GPC3: variants seen among roughly 807,000 people sequenced by gnomAD.
GPC3 encodes glypican-3.
A neutral mutation model predicts 34.4 loss-of-function variants in GPC3; 3 were observed. The ratio of observed to expected loss-of-function variants is 0.09; its 90% CI spans 0.04 to 0.23. The LOEUF is 0.23. Ranked by LOEUF, GPC3 falls within the 10% of genes least tolerant of loss-of-function variation. The pLI, the probability that GPC3 is intolerant of heterozygous loss-of-function variation, is 1.00. For synonymous variants in GPC3, 177 were observed against 174.0 expected (o/e 1.02, Z -0.13); for missense variants, 351 against 445.6 (o/e 0.79, Z 1.91).
intron 3 of GPC3, among the ~76,000 whole-genome samples, chrX:133,720,898 G>A (rs1157247840): frequency 9.1e-6 from 1 of 109,400 alleles, no homozygotes; most frequent in Non-Finnish European, 1.9e-5. Flanking sequence ...GGAAGGGTGA[G>A]GGGGGTAAGG....
At position 133,641,424 on chromosome X, in the gene GPC3, C is replaced by T. The variant is rs142641716; in HGVS notation, c.1413+20306G>A. Among the ~76,000 whole-genome samples, 1,005 of 108,680 alleles carry T rather than the reference C, an allele frequency of 9.2e-3. 15 individuals are homozygous for T. Among genetic ancestry groups the T allele is most frequent in the African/African-American group, 0.03 (883 of 29,773 alleles). 94.4% of individuals were successfully genotyped at this position (108,680 alleles called of 115,157 possible). A position where few individuals can be genotyped will look rare whatever the true frequency, so the allele number is the denominator to read the frequency against. Reference sequence around the variant, plus strand: ...CCGGGAGGCAGAGTTTGCAGTGAGCCGAGATGGTGCCACTGCACTCCAGCC... The same window carrying T: ...CCGGGAGGCAGAGTTTGCAGTGAGCTGAGATGGTGCCACTGCACTCCAGCC... On this transcript the variant is annotated intron_variant, in intron 6 of 7. Transcript: ENST00000370818.
rs937919493 is a variant in GPC3 at position 133,825,071 on chromosome X, G to A, written c.338-70895C>T. The stretch of plus-strand genomic sequence containing the variant: ...GGGGTTTCACCGTGTTAGCCAGGCT[G>A]CTCTCGATCTCCTGACCTCATGATC... On this transcript the variant is annotated intron_variant, in intron 2 of 7. Transcript: ENST00000370818. Among the ~76,000 whole-genome samples, 3 of 111,394 alleles carry A rather than the reference G, an allele frequency of 2.7e-5. No individual in the cohort carries two copies. The South Asian group carries it at 1.1e-3, about 42-fold the overall frequency.
chrX:133,678,028 G>A (rs1014460394), intron 5 of GPC3, among the ~76,000 whole-genome samples: 11 of 111,182 alleles, frequency 9.9e-5, no homozygotes, highest in African/African-American at 3.6e-4. Context: ...CATTTGACAG[G>A]CAGGACAGTA....
At chrX:133,929,543 A>C (rs898845993) in intron 2 of GPC3, among the ~76,000 whole-genome samples, 10 of 110,944 alleles carry the variant, frequency 9.0e-5, no homozygotes, top group Non-Finnish European at 1.7e-4. Context: ...AGACATTTTT[A>C]CTCTTTCTTT....
chrX:133,546,460 C>T, intron 7 of GPC3, among the ~76,000 whole-genome samples: 1 of 108,775 alleles, frequency 9.2e-6, no homozygotes, highest in Non-Finnish European at 1.9e-5. Flanking sequence ...CACAAAATGC[C>T]ATATAGTATA....
intron 2 of GPC3, among the ~76,000 whole-genome samples, chrX:133,910,003 T>C (rs959669889): frequency 8.9e-6 from 1 of 111,844 alleles, no homozygotes; most frequent in African/African-American, 3.2e-5. Flanking sequence ...AAATGATTAA[T>C]GGCCTTTCAA....
At chrX:133,798,261 G>A (rs1183503374) in intron 2 of GPC3, among the ~76,000 whole-genome samples, 1 of 111,887 alleles carries the variant, frequency 8.9e-6, no homozygotes, top group Admixed American at 9.5e-5. Context: ...ATGAGAGACA[G>A]GTCCATGTCA....
At chrX:133,548,669 A>G (rs990295965) in intron 7 of GPC3, among the ~76,000 whole-genome samples, 2 of 111,709 alleles carry the variant, frequency 1.8e-5, no homozygotes, top group Admixed American at 1.9e-4. Flanking sequence ...CCTCATTGAT[A>G]TAGTTTGGCT....
chrX:133,896,400 C>T lies in GPC3; in HGVS notation c.337+56650G>A, dbSNP rs142008483. Among the ~76,000 whole-genome samples, 687 of 110,011 alleles carry T rather than the reference C, an allele frequency of 6.2e-3. 7 individuals carry two copies. The highest frequency in any genetic ancestry group is 0.02 in the African/African-American group (622 of 30,368). ...AAAGAAAGAAAAAGAAAGGAAACAT[C>T]CATTGTAGGTGGCAGACCCAACTAA... On this transcript the variant is annotated intron_variant, in intron 2 of 7. Transcript: ENST00000370818.
At chrX:133,741,706 T>C (rs996975552) in intron 3 of GPC3, among the ~76,000 whole-genome samples, 2 of 112,942 alleles carry the variant, frequency 1.8e-5, no homozygotes, top group African/African-American at 6.4e-5. Flanking sequence ...CTCATTAGTA[T>C]TGTAAACTTT....
chrX:133,681,223 G>C (rs1338444847), intron 5 of GPC3, among the ~76,000 whole-genome samples: 3 of 111,777 alleles, frequency 2.7e-5, no homozygotes, highest in Non-Finnish European at 5.6e-5. Context: ...TCTGTTAAGG[G>C]AGAAACTATT....
At chrX:133,765,132 T>C (rs766693000) in intron 2 of GPC3, among the ~76,000 whole-genome samples, 1 of 112,020 alleles carries the variant, frequency 8.9e-6, no homozygotes, top group South Asian at 3.7e-4. Flanking sequence ...TTAAAAACTT[T>C]TCTTTTTTAA....
intron 3 of GPC3, among the ~76,000 whole-genome samples, chrX:133,750,028 C>T (rs2124477206): frequency 9.0e-6 from 1 of 111,531 alleles, no homozygotes; most frequent in Non-Finnish European, 1.9e-5. Flanking sequence ...ATGAACAAGG[C>T]AGAGTTTACA....
At chrX:133,628,872 T>TA (rs1160783162) in intron 6 of GPC3, among the ~76,000 whole-genome samples, 2 of 111,393 alleles carry the variant, frequency 1.8e-5, no homozygotes, top group African/African-American at 6.5e-5. Context: ...TGAAGCCATA[T>TA]AATTCACAGT....
At chrX:133,761,320 G>C (rs1256098941) in intron 2 of GPC3, among the ~76,000 whole-genome samples, 1 of 112,391 alleles carries the variant, frequency 8.9e-6, no homozygotes, top group Non-Finnish European at 1.9e-5. Flanking sequence ...CACTAAAAGT[G>C]TTGCTCCAAT....
At chrX:133,905,584 G>T (rs2076164362) in intron 2 of GPC3, among the ~76,000 whole-genome samples, 1 of 112,126 alleles carries the variant, frequency 8.9e-6, no homozygotes, top group African/African-American at 3.2e-5. Context: ...TGAATCTGCA[G>T]AACACTAGTC....
intron 1 of GPC3, among the ~76,000 whole-genome samples, chrX:133,975,538 G>C (rs752743849): frequency 9.0e-6 from 1 of 111,017 alleles, no homozygotes; most frequent in Non-Finnish European, 1.9e-5. Flanking sequence ...AAGACAACTA[G>C]GCAAATTCCT....
chrX:133,953,138 T>G lies in GPC3; in HGVS notation c.249A>C (p.Leu83=), dbSNP rs755510528. Residue 83 remains leucine (L), a synonymous_variant, in exon 2 of 8, where the codon CTA becomes CTC. Coordinates refer to ENST00000370818, the MANE Select transcript of GPC3 (RefSeq NM_004484.4). ...CSRKMEEKYQ[L]TARLNMEQLL... ...GCTGTTCCATGTTCAATCGTGCTGT[T>G]AGTTGGTATTTTTCTTCCATCTTTC... is the stretch of plus-strand genomic sequence containing the variant. 8.3e-7 allele frequency: 1 copy of G among 1,204,044 alleles called. No individual in the cohort carries two copies. Among genetic ancestry groups the G allele is most frequent in the African/African-American group, 1.8e-5 (1 of 56,863 alleles).
chrX:133,704,067 C>G (rs963348544), intron 3 of GPC3: 1 of 311,014 alleles, frequency 3.2e-6, no homozygotes, highest in Non-Finnish European at 5.6e-6. Flanking sequence ...AGCCTGCAAG[C>G]TGCAGGTTGG....
Sources: gnomAD v4.1 joint callset for allele counts (sites outside exome capture counted in the v4.1 genomes callset) on GRCh38, gnomAD v4.1.1 for gene constraint, MANE v1.5 for transcripts, NCBI Gene and HGNC (gene_info 2026-07-23, HGNC 2026-07-21) for gene names.